The following FABP3 variants were observed in gnomAD, a reference collection of about 807,000 sequenced individuals.
The protein encoded by FABP3 is fatty acid binding protein 3.
FABP3 carries 8 observed loss-of-function variants against 13.4 expected under a neutral mutation model. The ratio of observed to expected loss-of-function variants is 0.60; its 90% CI spans 0.35 to 1.07. The LOEUF (loss-of-function observed/expected upper bound fraction) is 1.07. Among genes scored for constraint, FABP3 ranks in the 50% least tolerant of loss-of-function variants. The probability of loss-of-function intolerance (pLI) is 0.02; values close to 1 mark genes in which losing one functional copy is unlikely to be tolerated. For missense variants in FABP3, 135 were observed against 164.7 expected (o/e 0.82, Z 0.99); for synonymous variants, 64 against 60.0 (o/e 1.07, Z -0.31).
intron 3 of FABP3, among the ~76,000 whole-genome samples, chr1:31,366,885 A>C (rs553130368): frequency 6.6e-6 from 1 of 152,204 alleles, no homozygotes; most frequent in Non-Finnish European, 1.5e-5. Context: ...CCTGCAAGTG[A>C]CAATGCAGTC....
At chr1:31,368,947 T>A (rs1207762334) in intron 2 of FABP3, 1 of 155,304 alleles carries the variant, frequency 6.4e-6, no homozygotes, top group African/African-American at 2.4e-5. Flanking sequence ...GAGGTCACAA[T>A]GACCTCACTC....
intron 2 of FABP3, among the ~76,000 whole-genome samples, chr1:31,368,232 G>C (rs1384221868): frequency 6.6e-6 from 1 of 152,210 alleles, no homozygotes; most frequent in African/African-American, 2.4e-5. Flanking sequence ...TGGTTCAGTA[G>C]GAGAATCTGA....
rs908985604 is a variant in FABP3, at chr1:31,365,723, C to A, written c.*163G>T. On this transcript the variant is annotated 3_prime_UTR_variant, in exon 4 of 4. Coordinates refer to ENST00000373713, the MANE Select transcript of FABP3 (RefSeq NM_004102.5). ...TGCAGTTAAAAAAAAAAAAAAAAAA[C>A]CACATACACCATGGGAACTGGAACT... 196 of 474,598 alleles carry A rather than the reference C, an allele frequency of 4.1e-4. No homozygotes were observed. In the East Asian group the frequency reaches 5.4e-3, roughly 13 times the overall value. 29.4% of individuals were successfully genotyped at this position (474,598 alleles called of 1,614,324 possible). A position where few individuals can be genotyped will look rare whatever the true frequency, so the allele number is the denominator to read the frequency against.
Position 31,365,947 on chromosome 1 carries a change from G to C in FABP3, c.349-8C>G. The C allele has an allele frequency of 6.2e-7, 1 of 1,613,668 alleles. No individual in the cohort carries two copies. Among genetic ancestry groups the C allele is most frequent in the South Asian group, 1.1e-5 (1 of 91,044 alleles). On this transcript the variant is annotated splice_region_variant and splice_polypyrimidine_tract_variant and intron_variant, in intron 3 of 3. Coordinates refer to ENST00000373713, the MANE Select transcript of FABP3 (RefSeq NM_004102.5). ...AGTGCCGTGGGTGAGTGTCTGGAAG[G>C]AAAGACAGAGTGAGATGGGGGGTGG... is the stretch of plus-strand genomic sequence containing the variant.
chr1:31,366,053 T>G, intron 3 of FABP3, 114 bp from the exon 4 acceptor site: 1 of 756,920 alleles, frequency 1.3e-6, no homozygotes, highest in Non-Finnish European at 2.2e-6. Context: ...GTGCCGGCTA[T>G]ATGTATGTAT....
intron 3 of FABP3, 72 bp from the exon 4 acceptor site, chr1:31,366,011 C>T (rs1278905366): frequency 3.0e-6 from 4 of 1,347,886 alleles, no homozygotes; most frequent in South Asian, 2.4e-5. Context: ...CCCTCCCTTC[C>T]TCCTGATAAT....
chr1:31,370,942 G>A (rs2148496226), intron 1 of FABP3, among the ~76,000 whole-genome samples: 1 of 152,342 alleles, frequency 6.6e-6, no homozygotes, highest in African/African-American at 2.4e-5. Flanking sequence ...GCTTGTAACA[G>A]CCTCGAAGCG....
Position 31,373,068 on chromosome 1 carries a change from T to A in FABP3, c.-54A>T. ...TACAAGAGAGCAGGCGTGCAAGGGC[T>A]CCGACGGCGGCTCCCTGCCCGGGCT... is the stretch of plus-strand genomic sequence containing the variant. On this transcript the variant is annotated 5_prime_UTR_variant, in exon 1 of 4. Transcript: ENST00000373713. The A allele has an allele frequency of 6.4e-7, 1 of 1,565,710 alleles. No homozygotes were observed. Among genetic ancestry groups the A allele is most frequent in the East Asian group, 2.2e-5 (1 of 44,590 alleles).
chr1:31,366,212 G>A (rs535970126), intron 3 of FABP3, among the ~76,000 whole-genome samples: 2 of 152,050 alleles, frequency 1.3e-5, no homozygotes, highest in East Asian at 3.9e-4. Flanking sequence ...AAGTAATTTG[G>A]TCAAGATCCT....
At chr1:31,361,493 C>T (rs1019132871), downstream of FABP3, among the ~76,000 whole-genome samples, 2 of 152,176 alleles carry the variant, frequency 1.3e-5, no homozygotes, top group Non-Finnish European at 2.9e-5. Context: ...AGTTAAATCC[C>T]TTGTTCTAAG....
chr1:31,366,931 A>G (rs1640123546), intron 3 of FABP3, among the ~76,000 whole-genome samples: 1 of 152,144 alleles, frequency 6.6e-6, no homozygotes, highest in African/African-American at 2.4e-5. Context: ...TGAGATAGGC[A>G]ATGGGAGCCC....
chr1:31,364,133 C>T (rs1442249258), downstream of FABP3: 2 of 1,613,706 alleles, frequency 1.2e-6, no homozygotes, highest in African/African-American at 1.3e-5. Flanking sequence ...CATCAAAAGA[C>T]AGCAAGGCAG....
chr1:31,360,349 A>C (rs913674668), downstream of FABP3, among the ~76,000 whole-genome samples: 3 of 152,122 alleles, frequency 2.0e-5, no homozygotes, highest in Non-Finnish European at 4.4e-5. Context: ...TTGTATTTTT[A>C]GTAGAGATGG....
At chr1:31,370,446 T>C (rs554107179) in intron 1 of FABP3, among the ~76,000 whole-genome samples, 1 of 152,342 alleles carries the variant, frequency 6.6e-6, no homozygotes, top group Non-Finnish European at 1.5e-5. Context: ...GTTTTCCAAC[T>C]TTGGAAGTTT....
At chr1:31,366,010 C>T (rs1640103099) in intron 3 of FABP3, 71 bp from the exon 4 acceptor site, 2 of 1,350,094 alleles carry the variant, frequency 1.5e-6, no homozygotes, top group South Asian at 1.2e-5. Flanking sequence ...ACCCTCCCTT[C>T]CTCCTGATAA....
chr1:31,369,281 T>C (rs1640163086), intron 2 of FABP3, 104 bp downstream of exon 2: 1 of 1,180,972 alleles, frequency 8.5e-7, no homozygotes, highest in Non-Finnish European at 1.2e-6. Context: ...TTCCCCATGA[T>C]AGTCTGCCCC....
intron 2 of FABP3, among the ~76,000 whole-genome samples, chr1:31,368,839 A>C (rs1382253791): frequency 2.6e-5 from 4 of 152,208 alleles, no homozygotes; most frequent in Non-Finnish European, 5.9e-5. Flanking sequence ...GCAACACTGG[A>C]AATAGTTTGT....
At chr1:31,363,262 C>T (rs142437935), downstream of FABP3, among the ~76,000 whole-genome samples, 716 of 151,296 alleles carry the variant, frequency 4.7e-3, 10 homozygotes, top group African/African-American at 0.016. Context: ...TAGCTCACTG[C>T]AAGCTCCGCC....
intron 2 of FABP3, 182 bp downstream of exon 2, chr1:31,369,203 C>T (rs1569977091): frequency 3.0e-6 from 2 of 669,038 alleles, no homozygotes; most frequent in East Asian, 5.0e-5. Context: ...GAGGACAGAA[C>T]TGACATGTAT....
Sources: allele counts gnomAD v4.1 joint callset (sites outside exome capture counted in the v4.1 genomes callset), GRCh38; gene constraint gnomAD v4.1.1; transcripts MANE v1.5; gene names NCBI Gene and HGNC (gene_info 2026-07-23, HGNC 2026-07-21).